The following NELL2 variants were observed in gnomAD, a reference collection of about 807,000 sequenced individuals.
NELL2 encodes the protein neural EGFL like 2.
In NELL2, 41 loss-of-function variants were observed where a neutral mutation model predicts 109.6. The ratio of observed to expected loss-of-function variants is 0.37; its 90% CI spans 0.29 to 0.49. The LOEUF is 0.49. Among genes scored for constraint, NELL2 ranks in the 20% least tolerant of loss-of-function variants. The probability of loss-of-function intolerance (pLI) is 0.98; values close to 1 mark genes in which losing one functional copy is unlikely to be tolerated. For synonymous variants in NELL2, 355 were observed against 344.7 expected, an observed-to-expected ratio of 1.03 and a Z score of -0.33; for missense variants, 900 against 1,008.3, an observed-to-expected ratio of 0.89 and a Z score of 1.45.
chr12:44,875,978 C>G lies in NELL2; in HGVS notation c.-109G>C. 6.4e-7 allele frequency: 1 copy of G among 1,570,694 alleles called. No homozygotes were observed. Among genetic ancestry groups the G allele is most frequent in the Non-Finnish European group, 8.6e-7 (1 of 1,165,082 alleles). ...TAACGTTTGTCTCTCCTGCTGCTGC[C>G]TCGGATTTACTGATCAGTAGGATTA... On this transcript the variant is annotated 5_prime_UTR_variant, in exon 1 of 20. Transcript: ENST00000429094.
At chr12:44,784,748 T>G (rs1346531415) in intron 3 of NELL2, among the ~76,000 whole-genome samples, 1 of 152,130 alleles carries the variant, frequency 6.6e-6, no homozygotes, top group East Asian at 1.9e-4. Context: ...ATAAATGGAA[T>G]CCATCACATA....
chr12:44,703,490 A>G (rs984980044), intron 12 of NELL2, among the ~76,000 whole-genome samples: 5 of 152,240 alleles, frequency 3.3e-5, no homozygotes, highest in African/African-American at 1.2e-4. Flanking sequence ...TTCACAGTGG[A>G]AGAATTGTTC....
chr12:44,783,937 A>AGT (rs1271731160), intron 3 of NELL2, among the ~76,000 whole-genome samples: 15 of 152,112 alleles, frequency 9.9e-5, no homozygotes, highest in Non-Finnish European at 2.2e-4. Context: ...AATGTTAACA[A>AGT]ATATAATTCA....
intron 2 of NELL2, among the ~76,000 whole-genome samples, chr12:44,872,824 T>C (rs1384519449): frequency 6.6e-6 from 1 of 152,184 alleles, no homozygotes. Context: ...TGTATATGTA[T>C]ATACCGTACA....
intron 14 of NELL2, among the ~76,000 whole-genome samples, chr12:44,609,872 A>C (rs1454600294): frequency 6.6e-6 from 1 of 152,068 alleles, no homozygotes; most frequent in Non-Finnish European, 1.5e-5. Context: ...TCTGAGATAA[A>C]GGACACGGTA....
chr12:44,627,154 T>A (rs535234618), intron 13 of NELL2, among the ~76,000 whole-genome samples: 48 of 152,208 alleles, frequency 3.2e-4, no homozygotes, highest in Non-Finnish European at 5.7e-4. Context: ...GAATGCTTTA[T>A]GAAATTCAGA....
intron 12 of NELL2, among the ~76,000 whole-genome samples, chr12:44,687,251 G>A (rs766814725): frequency 9.2e-5 from 14 of 152,140 alleles, no homozygotes; most frequent in Non-Finnish European, 1.5e-4. Flanking sequence ...GCAATGCCGC[G>A]CCCTGCTTTG....
At chr12:44,833,724 A>G (rs1943958496) in intron 2 of NELL2, among the ~76,000 whole-genome samples, 1 of 152,056 alleles carries the variant, frequency 6.6e-6, no homozygotes, top group South Asian at 2.1e-4. Flanking sequence ...ACAACCTTGG[A>G]CTCGCGGTAC....
chr12:44,823,116 T>C (rs947428041), intron 2 of NELL2, among the ~76,000 whole-genome samples: 1 of 152,174 alleles, frequency 6.6e-6, no homozygotes, highest in African/African-American at 2.4e-5. Flanking sequence ...CTCTTCTTAA[T>C]GGGATATAAT....
chr12:44,828,674 T>A (rs1359150419), intron 2 of NELL2, among the ~76,000 whole-genome samples: 1 of 152,092 alleles, frequency 6.6e-6, no homozygotes, highest in Non-Finnish European at 1.5e-5. Flanking sequence ...AGCAAATCAT[T>A]TGAAGTGCAT....
intron 3 of NELL2, among the ~76,000 whole-genome samples, chr12:44,811,075 A>T (rs369575142): frequency 6.6e-6 from 1 of 152,084 alleles, no homozygotes; most frequent in Non-Finnish European, 1.5e-5. Context: ...CTAACACAGC[A>T]AAAGAAAACC....
intron 13 of NELL2, among the ~76,000 whole-genome samples, chr12:44,635,137 T>G (rs1355647134): frequency 1.3e-5 from 2 of 152,204 alleles, no homozygotes; most frequent in Non-Finnish European, 2.9e-5. Flanking sequence ...TTGTTTGTTT[T>G]TTTCTTGAAA....
intron 15 of NELL2, among the ~76,000 whole-genome samples, chr12:44,536,990 C>CAAACA (rs1179642988): frequency 2.2e-4 from 13 of 58,262 alleles, no homozygotes; most frequent in Non-Finnish European, 3.9e-4. Context: ...AACCAACAGG[C>CAAACA]AAACAAAACA....
intron 9 of NELL2, among the ~76,000 whole-genome samples, chr12:44,722,307 A>G (rs1938821051): frequency 6.6e-6 from 1 of 152,110 alleles, no homozygotes; most frequent in Admixed American, 6.5e-5. Flanking sequence ...TTGGGACTAC[A>G]GGCATGCGCC....
At chr12:44,887,901 C>T (rs1216314168) in intron 1 of NELL2, among the ~76,000 whole-genome samples, 4 of 151,984 alleles carry the variant, frequency 2.6e-5, no homozygotes, top group African/African-American at 7.3e-5. Context: ...CACAAAAACT[C>T]TTTGCTGAGA....
Position 44,610,945 on chromosome 12 carries a change from C to T in NELL2, c.1470G>A (p.Gln490=), listed in dbSNP as rs1193599755. The T allele has an allele frequency of 3.7e-6, 6 of 1,612,490 alleles. No homozygotes were observed. Among genetic ancestry groups the T allele is most frequent in the Non-Finnish European group, 4.2e-6 (5 of 1,179,004 alleles). ...ATAAAGCATTTTCATCACAGTTGTG[C>T]TGATTTGTGATACACTCATCATGTT... ...CTEHDECITN[Q]HNCDENALCF... is the part of the protein sequence containing the mutation. The change falls in exon 14 of 20, where the codon CAG becomes CAA. Residue 490 remains glutamine, a synonymous_variant. Transcript: ENST00000429094.
chr12:44,577,465 G>GT (rs746239984), intron 15 of NELL2, among the ~76,000 whole-genome samples: 2,327 of 83,440 alleles, frequency 0.028, 529 homozygotes, highest in Middle Eastern at 0.036. Context: ...CAGATGAGTA[G>GT]TTTTTTTTTT....
intron 15 of NELL2, among the ~76,000 whole-genome samples, chr12:44,598,288 A>G (rs142917201): frequency 1.4e-3 from 209 of 151,524 alleles, no homozygotes; most frequent in African/African-American, 4.6e-3. Context: ...GAAAGTTTCC[A>G]TGACAGAAAG....
rs1256574984 is a variant in NELL2, at chr12:44,704,224, G to T, written c.1190-370C>A. Among the ~76,000 whole-genome samples, 3 of 152,094 alleles carry T rather than the reference G, an allele frequency of 2.0e-5. No individual in the cohort carries two copies. In the South Asian group the frequency reaches 6.2e-4, roughly 32 times the overall value. On this transcript the variant is annotated intron_variant, in intron 11 of 19. Coordinates refer to ENST00000429094, the MANE Select transcript of NELL2 (RefSeq NM_001145108.2). ...ACAATGAGAAGGTAATCTGGTAACT[G>T]GAGGTTCAACATTTTCAATACCTGT... is the stretch of plus-strand genomic sequence containing the variant.
Sources: gnomAD v4.1 joint callset for allele counts (sites outside exome capture counted in the v4.1 genomes callset) on GRCh38, gnomAD v4.1.1 for gene constraint, MANE v1.5 for transcripts, NCBI Gene and HGNC (gene_info 2026-07-23, HGNC 2026-07-21) for gene names.